Variants in PCDHA3 observed in about 807,000 individuals in gnomAD.
The protein encoded by PCDHA3 is protocadherin alpha 3.
In PCDHA3, 41 loss-of-function variants were observed where a neutral mutation model predicts 62.2. The observed-to-expected ratio is 0.66, with a 90% CI of 0.51 to 0.86. The LOEUF is 0.86. PCDHA3 is among the 40% of genes least tolerant of loss of function. The pLI is 0.00. For missense variants in PCDHA3, 1,304 were observed against 1,241.2 expected (o/e 1.05, Z -0.76); for synonymous variants, 640 against 555.4 (o/e 1.15, Z -2.14).
chr5:140,872,973 T>C (rs1562677174), intron 1 of PCDHA3, among the ~76,000 whole-genome samples: 1 of 152,212 alleles, frequency 6.6e-6, no homozygotes, highest in African/African-American at 2.4e-5. Flanking sequence ...ATCTGAAGAT[T>C]TGAGCAAAGA....
chr5:140,829,877 G>T lies in PCDHA3; in HGVS notation c.2394+26286G>T, dbSNP rs2150176821. The T allele has an allele frequency of 1.5e-5, 25 of 1,613,956 alleles. No individual in the cohort carries two copies. In the South Asian group the frequency reaches 2.5e-4, roughly 16 times the overall value. ...AGGCCAAGTGGTGGCGAAGGTGCGC[G>T]CAGTTGACGCCGACTCAGGCTACAA... On this transcript the variant is annotated intron_variant, in intron 1 of 3. Transcript: ENST00000522353.
At position 140,870,533 on chromosome 5, in the gene PCDHA3, C is replaced by A. The variant is rs1185177447; in HGVS notation, c.2394+66942C>A. The A allele has an allele frequency of 1.9e-6, 3 of 1,614,050 alleles. No individual in the cohort carries two copies. The African/African-American group carries it at 4.0e-5, about 22-fold the overall frequency. ...CCAGGCTGCCACATCTTCACAGTGTCGGCGCGGGACGCGGACGCGCAGGAG... is the reference window on the plus strand; with the variant it reads ...CCAGGCTGCCACATCTTCACAGTGTAGGCGCGGGACGCGGACGCGCAGGAG... On this transcript the variant is annotated intron_variant, in intron 1 of 3. Transcript: ENST00000522353.
chr5:140,900,081 G>T (rs1306300563), intron 1 of PCDHA3, among the ~76,000 whole-genome samples: 1 of 152,062 alleles, frequency 6.6e-6, no homozygotes, highest in African/African-American at 2.4e-5. Context: ...AAGTGCTGCA[G>T]TTACAAGCAT....
rs144041965 is a variant in PCDHA3, at chr5:140,808,651, G to A, written c.2394+5060G>A. 1.8e-5 allele frequency: 29 copies of A among 1,613,192 alleles called. 1 individual carries two copies. Among genetic ancestry groups the A allele is most frequent in the Middle Eastern group, 3.6e-4 (2 of 5,482 alleles). On this transcript the variant is annotated intron_variant, in intron 1 of 3. Coordinates refer to ENST00000522353, the MANE Select transcript of PCDHA3 (RefSeq NM_018906.3). ...GGGACGCGGACGCGCAGGAGAACGC[G>A]CTGGTGTCCTACTCGCTGGTAGAGC...
chr5:140,888,941 TAA>T (rs1361014830), intron 1 of PCDHA3, among the ~76,000 whole-genome samples: 2 of 152,086 alleles, frequency 1.3e-5, no homozygotes, highest in Non-Finnish European at 1.5e-5. Flanking sequence ...GAGGGAGGTA[TAA>T]ATTTTTTCTT....
At chr5:140,941,196 TTTCTTC>T (rs1563183935) in intron 1 of PCDHA3, among the ~76,000 whole-genome samples, 3 of 111,280 alleles carry the variant, frequency 2.7e-5, no homozygotes, top group East Asian at 2.3e-4. Context: ...TTTTTTTTTC[TTTCTTC>T]CTTTCTTTCT....
At chr5:140,979,318 T>C (rs2096844474) in intron 2 of PCDHA3, among the ~76,000 whole-genome samples, 1 of 152,196 alleles carries the variant, frequency 6.6e-6, no homozygotes, top group Non-Finnish European at 1.5e-5. Context: ...CTACCTATGC[T>C]TTCTTTTCCT....
chr5:140,929,282 A>T, intron 1 of PCDHA3: 1 of 1,601,564 alleles, frequency 6.2e-7, no homozygotes, highest in South Asian at 1.1e-5. Flanking sequence ...TCCTGTATTC[A>T]GATTCGGAAT....
Position 140,857,156 on chromosome 5 carries a change from C to T in PCDHA3, c.2394+53565C>T, listed in dbSNP as rs782492965. The T allele has an allele frequency of 4.4e-5, 71 of 1,598,308 alleles. 2 individuals carry two copies. In the South Asian group the frequency reaches 7.7e-4, roughly 17 times the overall value. On this transcript the variant is annotated intron_variant, in intron 1 of 3. Transcript: ENST00000522353. ...TGCTCAAGTGGGCACCGTCATTGCC[C>T]TAATCAGCGTTTCTGACCATGATTC...
Position 140,856,846 on chromosome 5 carries a change from T to C in PCDHA3, c.2394+53255T>C. On this transcript the variant is annotated intron_variant, in intron 1 of 3. Coordinates refer to ENST00000522353, the MANE Select transcript of PCDHA3 (RefSeq NM_018906.3). Reference sequence around the variant, plus strand: ...CATTAGTAATACGGCTCAACGCTTCTGATTCGGATGAAGGAATAAACAAGG... The same window carrying C: ...CATTAGTAATACGGCTCAACGCTTCCGATTCGGATGAAGGAATAAACAAGG... 3.8e-6 allele frequency: 6 copies of C among 1,593,220 alleles called. 1 individual carries two copies. Among genetic ancestry groups the C allele is most frequent in the Non-Finnish European group, 5.2e-6 (6 of 1,163,214 alleles).
intron 1 of PCDHA3, chr5:140,881,212 G>A: frequency 9.7e-6 from 2 of 206,268 alleles, no homozygotes; most frequent in Non-Finnish European, 1.7e-5. Flanking sequence ...TCTAGCTGTT[G>A]TTTCTTGGAA....
rs368557415 is a variant in PCDHA3, at chr5:140,808,464, C to T, written c.2394+4873C>T. 1,073 of 1,614,164 alleles carry T rather than the reference C, an allele frequency of 6.6e-4. 17 individuals are homozygous for T. In the South Asian group the frequency reaches 0.011, roughly 17 times the overall value. ...GTGTCAGCCTATGAGCTGGTGGTGA[C>T]CGCGCGAGACGGGGGCTCGCCTTCG... On this transcript the variant is annotated intron_variant, in intron 1 of 3. Transcript: ENST00000522353.
At chr5:140,828,791 G>A (rs2150159012) in intron 1 of PCDHA3, 1 of 1,614,192 alleles carries the variant, frequency 6.2e-7, no homozygotes, top group Non-Finnish European at 8.5e-7. Flanking sequence ...CACAGTGCTG[G>A]ATGTGAATGA....
intron 1 of PCDHA3, among the ~76,000 whole-genome samples, chr5:140,936,248 G>A (rs2090860399): frequency 6.6e-6 from 1 of 152,086 alleles, no homozygotes; most frequent in Admixed American, 6.5e-5. Context: ...AACATATCCT[G>A]CTTCAAGTCA....
chr5:140,866,148 A>G (rs1031440226), intron 1 of PCDHA3: 4 of 152,180 alleles, frequency 2.6e-5, no homozygotes, highest in South Asian at 4.1e-4. Flanking sequence ...TGGAAGTGAT[A>G]TAAGTAAGAA....
intron 1 of PCDHA3, chr5:140,881,341 G>C (rs1422783424): frequency 1.5e-5 from 15 of 984,968 alleles, no homozygotes; most frequent in Non-Finnish European, 1.7e-5. Flanking sequence ...ACGCCGATTC[G>C]GGCTACAATG....
chr5:140,804,344 T>C (rs1356839556), intron 1 of PCDHA3: 1 of 152,178 alleles, frequency 6.6e-6, no homozygotes, highest in East Asian at 1.9e-4. Flanking sequence ...CTGTATTATA[T>C]GTTAAAATTT....
intron 1 of PCDHA3, chr5:140,883,594 G>T: frequency 1.9e-6 from 3 of 1,614,032 alleles, no homozygotes; most frequent in Non-Finnish European, 2.5e-6. Context: ...CCAGCGTGTC[G>T]GTGGGGGTGG....
intron 1 of PCDHA3, chr5:140,829,737 T>C (rs2150173685): frequency 3.1e-6 from 5 of 1,613,542 alleles, no homozygotes; most frequent in East Asian, 4.5e-5. Flanking sequence ...GGCAGCAACG[T>C]GACGCTGCAG....
Sources: gnomAD v4.1 joint callset for allele counts (sites outside exome capture counted in the v4.1 genomes callset) on GRCh38, gnomAD v4.1.1 for gene constraint, MANE v1.5 for transcripts, NCBI Gene and HGNC (gene_info 2026-07-23, HGNC 2026-07-21) for gene names.